The following ADAMTS20 variants were observed in gnomAD, a reference collection of about 807,000 sequenced individuals.
The protein encoded by ADAMTS20 is A disintegrin and metalloproteinase with thrombospondin motifs 20.
Under a neutral mutation model 260.1 loss-of-function variants are expected in ADAMTS20, and 225 were observed. That is an observed-to-expected ratio of 0.87 (90% CI 0.78 to 0.97). The LOEUF (loss-of-function observed/expected upper bound fraction) is 0.97, where lower values mean the gene tolerates loss of function less well. ADAMTS20 is among the 50% of genes least tolerant of loss of function. The pLI is 0.00. For synonymous variants in ADAMTS20, 802 were observed against 769.5 expected, an observed-to-expected ratio of 1.04 and a Z score of -0.70; for missense variants, 2,400 against 2,337.7, an observed-to-expected ratio of 1.03 and a Z score of -0.55.
intron 28 of ADAMTS20, among the ~76,000 whole-genome samples, chr12:43,416,349 C>A (rs1356564061): frequency 4.1e-5 from 6 of 146,966 alleles, no homozygotes; most frequent in South Asian, 2.1e-4. Flanking sequence ...ACACCCAGTC[C>A]AAAAAAAAAA....
At chr12:43,414,673 T>A (rs1941096401) in intron 28 of ADAMTS20, among the ~76,000 whole-genome samples, 1 of 151,550 alleles carries the variant, frequency 6.6e-6, no homozygotes, top group African/African-American at 2.4e-5. Flanking sequence ...AATTTAAGAG[T>A]CTGATAATAT....
In ADAMTS20 at chr12:43,378,942, G is replaced by A. The variant is rs145122092; in HGVS notation, c.4798-1380C>T. On this transcript the variant is annotated intron_variant, in intron 31 of 38. Coordinates refer to ENST00000389420, the MANE Select transcript of ADAMTS20 (RefSeq NM_025003.5). ...ATTCAATAAACATGGCTAACTTTTG[G>A]TAAGAAGAGCAAGTTTTGTGATGGT... Among the ~76,000 whole-genome samples, 53 of 152,270 alleles carry A rather than the reference G, an allele frequency of 3.5e-4. No individual in the cohort carries two copies. The East Asian group carries it at 9.7e-3, about 28-fold the overall frequency.
At chr12:43,357,768 G>A (rs1274285912) in intron 37 of ADAMTS20, among the ~76,000 whole-genome samples, 1 of 152,100 alleles carries the variant, frequency 6.6e-6, no homozygotes, top group Non-Finnish European at 1.5e-5. Flanking sequence ...TTCTCAATAA[G>A]TGTTTTTGAA....
intron 2 of ADAMTS20, 59 bp downstream of exon 2, chr12:43,550,850 G>T: frequency 1.4e-6 from 2 of 1,462,734 alleles, no homozygotes; most frequent in Non-Finnish European, 1.8e-6. Context: ...GGCCCCGTTC[G>T]CTGAATGTAG....
intron 2 of ADAMTS20, among the ~76,000 whole-genome samples, chr12:43,537,763 C>T (rs1202482633): frequency 2.6e-5 from 4 of 152,146 alleles, no homozygotes; most frequent in Non-Finnish European, 5.9e-5. Context: ...AAATAACATG[C>T]AGTGTACATC....
intron 28 of ADAMTS20, among the ~76,000 whole-genome samples, chr12:43,409,262 C>A (rs529391389): frequency 5.7e-4 from 86 of 151,692 alleles, no homozygotes; most frequent in Admixed American, 2.7e-3. Context: ...GATAAAGTTT[C>A]CCATCAAGTA....
chr12:43,353,502 G>T (rs960640886), downstream of ADAMTS20, among the ~76,000 whole-genome samples: 2 of 151,814 alleles, frequency 1.3e-5, no homozygotes, highest in African/African-American at 4.8e-5. Flanking sequence ...ATTTGAGGTA[G>T]ATTTTAAAAA....
chr12:43,402,958 G>A (rs1217336956), intron 28 of ADAMTS20, among the ~76,000 whole-genome samples: 2 of 151,908 alleles, frequency 1.3e-5, no homozygotes, highest in Non-Finnish European at 2.9e-5. Flanking sequence ...AAACATACAA[G>A]TGCCCTGAAC....
intron 28 of ADAMTS20, among the ~76,000 whole-genome samples, chr12:43,420,852 G>A (rs1409132664): frequency 8.2e-6 from 1 of 122,028 alleles, no homozygotes; most frequent in African/African-American, 3.4e-5. Context: ...CTGTCACGCA[G>A]GCTGGAATGC....
In ADAMTS20 at chr12:43,551,069, G is replaced by A; in HGVS notation, c.293C>T (p.Ser98Phe). Reference sequence around the variant, plus strand: ...CTCGGTGTAGCCGGCGGCCAGAAAGGATGCATCGGCGGTCAGGTTCAGCTG... The same window carrying A: ...CTCGGTGTAGCCGGCGGCCAGAAAGAATGCATCGGCGGTCAGGTTCAGCTG... ...LFQLNLTADA[S>F]FLAAGYTEVH... Residue 98 changes from serine (S) to phenylalanine (F), a missense_variant, in exon 2 of 39, where the codon TCC becomes TTC. By Grantham distance (155) the Ser-to-Phe change is radical. Coordinates refer to ENST00000389420, the MANE Select transcript of ADAMTS20 (RefSeq NM_025003.5). The surrounding 1 kb of genome is among the most constrained non-coding windows in gnomAD (Gnocchi z 4.6). 6.2e-7 allele frequency: 1 copy of A among 1,613,812 alleles called. No homozygotes were observed. The highest frequency in any genetic ancestry group is 8.5e-7 in the Non-Finnish European group (1 of 1,179,824).
At chr12:43,405,978 C>T (rs1940912303) in intron 28 of ADAMTS20, among the ~76,000 whole-genome samples, 2 of 152,176 alleles carry the variant, frequency 1.3e-5, no homozygotes, top group Non-Finnish European at 2.9e-5. Context: ...AGAAAACATG[C>T]TGAGGGTTCA....
At chr12:43,455,917 C>A (rs1941956939) in intron 11 of ADAMTS20, among the ~76,000 whole-genome samples, 1 of 152,112 alleles carries the variant, frequency 6.6e-6, no homozygotes, top group Admixed American at 6.6e-5. Context: ...CCATGTTGGC[C>A]AGGATGGTCT....
At chr12:43,421,904 A>G (rs548281721) in intron 28 of ADAMTS20, among the ~76,000 whole-genome samples, 1 of 152,168 alleles carries the variant, frequency 6.6e-6, no homozygotes, top group Admixed American at 6.5e-5. Context: ...ACAGTTTGTT[A>G]TTTAAGAAAA....
intron 29 of ADAMTS20, among the ~76,000 whole-genome samples, chr12:43,392,606 G>A (rs996142346): frequency 2.6e-5 from 4 of 152,014 alleles, no homozygotes; most frequent in Admixed American, 1.3e-4. Context: ...TAACATAGAC[G>A]AATTCATTGC....
chr12:43,488,923 C>T (rs1350527312), intron 7 of ADAMTS20, among the ~76,000 whole-genome samples: 2 of 151,920 alleles, frequency 1.3e-5, no homozygotes, highest in African/African-American at 2.4e-5. Context: ...TTTGTGTTTC[C>T]TATTTGTTAT....
In ADAMTS20 at chr12:43,428,125, T is replaced by C. The variant is rs901509084; in HGVS notation, c.3945+116A>G. ...CTTAATCTTTTTAATATTTAAACTA[T>C]TGATCTTGAAATAAATTTAGCATTT... On this transcript the variant is annotated intron_variant, in intron 26 of 38. Coordinates refer to ENST00000389420, the MANE Select transcript of ADAMTS20 (RefSeq NM_025003.5). 1.4e-5 allele frequency: 15 copies of C among 1,063,766 alleles called. No homozygotes were observed. The South Asian group carries it at 1.8e-4, about 13-fold the overall frequency. 65.9% of individuals were successfully genotyped at this position (1,063,766 alleles called of 1,614,324 possible).
At chr12:43,439,505 G>T in intron 18 of ADAMTS20, 117 bp downstream of exon 18, 2 of 1,191,748 alleles carry the variant, frequency 1.7e-6, no homozygotes, top group Non-Finnish European at 1.2e-6. Flanking sequence ...TTGTATGTCT[G>T]TGGGATATGT....
At position 43,409,601 on chromosome 12, in the gene ADAMTS20, C is replaced by CAAAAAAA. The variant is rs67474640; in HGVS notation, c.4285-10375_4285-10369dup. On this transcript the variant is annotated intron_variant, in intron 28 of 38. Coordinates refer to ENST00000389420, the MANE Select transcript of ADAMTS20 (RefSeq NM_025003.5). ...TGGGCGACAGAGCGAGACTCCGTCT[C>CAAAAAAA]AAAAAAAAAAAAAAAAAAAAAAAAA... Among the ~76,000 whole-genome samples, 393 of 46,900 alleles carry CAAAAAAA rather than the reference C, an allele frequency of 8.4e-3. 35 individuals are homozygous for CAAAAAAA. The highest frequency in any genetic ancestry group is 0.022 in the African/African-American group (150 of 6,964). The allele number at this position is 46,900 out of a possible 152,430, so 30.8% of individuals were successfully genotyped here.
chr12:43,464,368 G>A (rs1942116614), intron 10 of ADAMTS20, among the ~76,000 whole-genome samples: 1 of 151,992 alleles, frequency 6.6e-6, no homozygotes, highest in Non-Finnish European at 1.5e-5. Flanking sequence ...ATAGGAATTT[G>A]AGAGTTAACA....
Sources: allele counts gnomAD v4.1 joint callset (sites outside exome capture counted in the v4.1 genomes callset), GRCh38; gene constraint gnomAD v4.1.1; non-coding constraint Gnocchi (gnomAD v3.1); transcripts MANE v1.5; gene names NCBI Gene and HGNC (gene_info 2026-07-23, HGNC 2026-07-21).